Variants in RXFP1 observed in about 807,000 individuals in gnomAD.
RXFP1 encodes relaxin family peptide receptor 1.
In RXFP1, 73 loss-of-function variants were observed where a neutral mutation model predicts 89.8. The ratio of observed to expected loss-of-function variants is 0.81; its 90% confidence interval spans 0.67 to 0.99. The LOEUF is 0.99. RXFP1 is among the 50% of genes least tolerant of loss of function. The pLI, the probability that RXFP1 is intolerant of heterozygous loss-of-function variation, is 0.00. For synonymous variants in RXFP1, 277 were observed against 305.5 expected, an observed-to-expected ratio of 0.91 and a Z score of 0.97; for missense variants, 793 against 895.5, an observed-to-expected ratio of 0.89 and a Z score of 1.46.
intron 2 of RXFP1, among the ~76,000 whole-genome samples, chr4:158,589,815 G>A (rs927273952): frequency 2.6e-5 from 4 of 152,148 alleles, no homozygotes; most frequent in African/African-American, 9.7e-5. Flanking sequence ...CACTTTAGGA[G>A]GCCAAGGTGG....
At chr4:158,618,126 C>T (rs1190189231) in intron 9 of RXFP1, among the ~76,000 whole-genome samples, 1 of 151,970 alleles carries the variant, frequency 6.6e-6, no homozygotes, top group Non-Finnish European at 1.5e-5. Context: ...CTGTACTGTA[C>T]ATTGAAAACA....
chr4:158,563,956 T>G (rs1029829208), intron 1 of RXFP1, among the ~76,000 whole-genome samples: 1 of 148,258 alleles, frequency 6.7e-6, no homozygotes, highest in African/African-American at 2.4e-5. Context: ...TATATAAATG[T>G]TATAATATAT....
In RXFP1 at chr4:158,652,185, A is replaced by AG; in HGVS notation, c.*132dup. 1 of 740,780 alleles carries AG rather than the reference A, an allele frequency of 1.3e-6. No individual in the cohort carries two copies. Among genetic ancestry groups the AG allele is most frequent in the African/African-American group, 1.8e-5 (1 of 56,274 alleles). The allele number at this position is 740,780 out of a possible 1,614,324, so 45.9% of individuals were successfully genotyped here. A position where few individuals can be genotyped will look rare whatever the true frequency, so the allele number is the denominator to read the frequency against. ...AAGATAAATATTTTACAAGGACATG[A>AG]GGAAAAATAAAAATGACTAATGCTC... On this transcript the variant is annotated 3_prime_UTR_variant, in exon 18 of 18. Transcript: ENST00000307765.
At chr4:158,610,545 C>A (rs1169610588) in intron 6 of RXFP1, 3 of 480,128 alleles carry the variant, frequency 6.2e-6, no homozygotes, top group African/African-American at 2.0e-5. Context: ...CATTAGAGAA[C>A]CATTTTTTAA....
intron 1 of RXFP1, among the ~76,000 whole-genome samples, chr4:158,549,502 G>A (rs558841078): frequency 2.7e-4 from 41 of 152,304 alleles, no homozygotes; most frequent in African/African-American, 8.9e-4. Context: ...GAGGAGCTGC[G>A]TTCCTTTGGA....
chr4:158,531,392 T>C (rs1744008163), intron 1 of RXFP1, among the ~76,000 whole-genome samples: 1 of 152,158 alleles, frequency 6.6e-6, no homozygotes, highest in Admixed American at 6.5e-5. Context: ...TCTCTGCCCC[T>C]CTGTTTCCTC....
At chr4:158,545,672 A>G (rs1579483011) in intron 1 of RXFP1, among the ~76,000 whole-genome samples, 1 of 152,198 alleles carries the variant, frequency 6.6e-6, no homozygotes, top group South Asian at 2.1e-4. Context: ...ACATATGGCT[A>G]GCCAGTTTTC....
chr4:158,646,564 A>C, intron 15 of RXFP1: 1 of 1,360,636 alleles, frequency 7.3e-7, no homozygotes, highest in Non-Finnish European at 9.5e-7. Context: ...GAAAATGAAG[A>C]AATGATTGCA....
At chr4:158,568,221 C>T (rs1754156069) in intron 1 of RXFP1, among the ~76,000 whole-genome samples, 1 of 152,206 alleles carries the variant, frequency 6.6e-6, no homozygotes, top group Non-Finnish European at 1.5e-5. Flanking sequence ...TGTTAACACT[C>T]AACGCGAGGG....
chr4:158,577,445 G>A (rs4314236), intron 2 of RXFP1, among the ~76,000 whole-genome samples: 5,637 of 152,022 alleles, frequency 0.037, 318 homozygotes, highest in African/African-American at 0.13. Flanking sequence ...CATATTTTCC[G>A]TCATGTAAAA....
At chr4:158,603,949 C>T (rs868124770) in intron 4 of RXFP1, among the ~76,000 whole-genome samples, 6 of 149,118 alleles carry the variant, frequency 4.0e-5, no homozygotes, top group South Asian at 4.2e-4. Context: ...TATATATGTT[C>T]TTGTGTATAT....
At chr4:158,555,419 A>G (rs17285317) in intron 1 of RXFP1, among the ~76,000 whole-genome samples, 61,067 of 152,114 alleles carry the variant, frequency 0.4, 15,056 homozygotes, top group East Asian at 0.83. Context: ...CTGTATGAAA[A>G]GGGTGCAATT....
intron 1 of RXFP1, among the ~76,000 whole-genome samples, chr4:158,522,875 T>C (rs1741524608): frequency 6.6e-6 from 1 of 152,202 alleles, no homozygotes; most frequent in Admixed American, 6.5e-5. Context: ...CTGTGTCTCT[T>C]AAAAGTTTGC....
At chr4:158,611,682 C>T (rs1763615043) in intron 6 of RXFP1, among the ~76,000 whole-genome samples, 1 of 152,230 alleles carries the variant, frequency 6.6e-6, no homozygotes, top group South Asian at 2.1e-4. Flanking sequence ...TCTCCTGGCT[C>T]CTCATTCCTC....
chr4:158,646,612 A>G (rs1771594486), intron 15 of RXFP1, 179 bp from the exon 16 acceptor site: 1 of 1,408,336 alleles, frequency 7.1e-7, no homozygotes, highest in African/African-American at 1.4e-5. Flanking sequence ...AGTGGTTACC[A>G]AAGAGAGTCT....
intron 1 of RXFP1, among the ~76,000 whole-genome samples, chr4:158,529,658 C>G (rs1019391135): frequency 1.3e-5 from 2 of 152,158 alleles, no homozygotes; most frequent in African/African-American, 4.8e-5. Context: ...TGCAGCTTTC[C>G]CTTTCCTGGC....
rs74330984 is a variant in RXFP1 at position 158,626,064 on chromosome 4, G to A, written c.756-756G>A. On this transcript the variant is annotated intron_variant, in intron 9 of 17. Transcript: ENST00000307765. The stretch of plus-strand genomic sequence containing the variant: ...CATAAGGAGGTTTATGGTGACATAG[G>A]CATCACACAGCAAGGGAGCCCCAGG... Among the ~76,000 whole-genome samples, 753 of 151,402 alleles carry A rather than the reference G, an allele frequency of 5.0e-3. 2 individuals are homozygous for A. Among genetic ancestry groups the A allele is most frequent in the Non-Finnish European group, 8.7e-3 (590 of 67,872 alleles).
chr4:158,568,224 C>T (rs149119696), intron 1 of RXFP1, among the ~76,000 whole-genome samples: 46 of 152,342 alleles, frequency 3.0e-4, no homozygotes, highest in African/African-American at 1.1e-3. Flanking sequence ...TAACACTCAA[C>T]GCGAGGGTCT....
At position 158,646,364 on chromosome 4, in the gene RXFP1, A is replaced by G. The variant is rs6536355; in HGVS notation, c.1346-427A>G. 9.7e-4 allele frequency: 569 copies of G among 585,930 alleles called. 1 individual carries two copies. The African/African-American group carries it at 0.01, about 10-fold the overall frequency. 36.3% of individuals were successfully genotyped at this position (585,930 alleles called of 1,614,324 possible). A position where few individuals can be genotyped will look rare whatever the true frequency, so the allele number is the denominator to read the frequency against. On this transcript the variant is annotated intron_variant, in intron 15 of 17. Coordinates refer to ENST00000307765, the MANE Select transcript of RXFP1 (RefSeq NM_021634.4). ...TGTGAATTACTTTCTCCAAGATTTT[A>G]TATGACACCTTGAGCTTGTTGCGTT...
Sources: gnomAD v4.1 joint callset for allele counts (sites outside exome capture counted in the v4.1 genomes callset) on GRCh38, gnomAD v4.1.1 for gene constraint, MANE v1.5 for transcripts, NCBI Gene and HGNC (gene_info 2026-07-23, HGNC 2026-07-21) for gene names.